Variants in CUX1 observed in about 807,000 individuals in gnomAD.
CUX1 encodes the protein protein CASP.
In CUX1, 31 loss-of-function variants were observed where a neutral mutation model predicts 158.8. That is an observed-to-expected ratio of 0.20 (90% CI 0.15 to 0.26). The LOEUF (loss-of-function observed/expected upper bound fraction) is 0.26, where lower values mean the gene tolerates loss of function less well. Among genes scored for constraint, CUX1 ranks in the 10% least tolerant of loss-of-function variants. CUX1 has a pLI of 1.00. For missense variants in CUX1, 1,589 were observed against 2,014.6 expected, an observed-to-expected ratio of 0.79 and a Z score of 4.04; for synonymous variants, 879 against 862.1, an observed-to-expected ratio of 1.02 and a Z score of -0.34.
chr7:101,978,086 C>T (rs151222608), intron 2 of CUX1, among the ~76,000 whole-genome samples: 8 of 151,978 alleles, frequency 5.3e-5, no homozygotes, highest in African/African-American at 1.9e-4. Context: ...ACATAAGTCT[C>T]GGGGACCTGC....
intron 3 of CUX1, among the ~76,000 whole-genome samples, chr7:102,036,821 G>A (rs1821482173): frequency 6.6e-6 from 1 of 151,536 alleles, no homozygotes; most frequent in African/African-American, 2.4e-5. Flanking sequence ...TGAATAAATT[G>A]CAAAGATGGT....
At chr7:102,233,286 G>A (rs782591349) in intron 21 of CUX1, among the ~76,000 whole-genome samples, 4 of 151,222 alleles carry the variant, frequency 2.6e-5, no homozygotes, top group Non-Finnish European at 4.4e-5. Flanking sequence ...CCTGGGCTCA[G>A]GCAATCCTCC....
intron 18 of CUX1, among the ~76,000 whole-genome samples, chr7:102,279,414 G>A (rs1791883315): frequency 1.3e-5 from 2 of 152,202 alleles, no homozygotes; most frequent in African/African-American, 2.4e-5. Context: ...CCAAGAGAGT[G>A]GATCAGAAAC....
Position 102,256,637 on chromosome 7 carries a change from AG to A in CUX1, c.*7598del. The A allele has an allele frequency of 2.0e-6, 2 of 985,424 alleles. No homozygotes were observed. The highest frequency in any genetic ancestry group is 2.4e-6 in the Non-Finnish European group (2 of 829,926). 61.0% of individuals were successfully genotyped at this position (985,424 alleles called of 1,614,324 possible). ...GAACAAAAAAATTTACCAACGTGTG[AG>A]GGAGTTGCTGAGTTGAAGAATGCTC... is the stretch of plus-strand genomic sequence containing the variant. On this transcript the variant is annotated 3_prime_UTR_variant, in exon 24 of 24. Coordinates refer to ENST00000292535, the MANE Select transcript of CUX1 (RefSeq NM_181552.4).
chr7:101,941,218 C>T (rs1170609209), intron 2 of CUX1, among the ~76,000 whole-genome samples: 1 of 152,082 alleles, frequency 6.6e-6, no homozygotes, highest in Non-Finnish European at 1.5e-5. Context: ...GGGAGGAGGG[C>T]GGGTTGGGGG....
intron 2 of CUX1, among the ~76,000 whole-genome samples, chr7:102,000,226 A>AAAAG (rs778160930): frequency 2.0e-5 from 3 of 150,648 alleles, no homozygotes; most frequent in Non-Finnish European, 4.4e-5. Context: ...CAAAAAAAAA[A>AAAAG]AGAGAGAGAG....
intron 8 of CUX1, among the ~76,000 whole-genome samples, chr7:102,149,004 C>T (rs1835324616): frequency 6.6e-6 from 1 of 152,030 alleles, no homozygotes; most frequent in Non-Finnish European, 1.5e-5. Flanking sequence ...GTCATTAACT[C>T]GTTCCTTTTT....
intron 4 of CUX1, among the ~76,000 whole-genome samples, chr7:102,084,348 C>T (rs1827741577): frequency 6.7e-6 from 1 of 149,074 alleles, no homozygotes; most frequent in South Asian, 2.1e-4. Flanking sequence ...CCTCTTAATG[C>T]TCACCTATTA....
chr7:101,944,667 G>A (rs746702253), intron 2 of CUX1, among the ~76,000 whole-genome samples: 9 of 152,188 alleles, frequency 5.9e-5, no homozygotes, highest in Non-Finnish European at 1.0e-4. Context: ...CGTTTCCTCC[G>A]GGCAGTCCAT....
chr7:102,013,591 A>G (rs1041269912), intron 2 of CUX1, among the ~76,000 whole-genome samples: 1 of 152,122 alleles, frequency 6.6e-6, no homozygotes, highest in Admixed American at 6.6e-5. Context: ...AGCATCAACA[A>G]TTTTCCATAG....
intron 4 of CUX1, among the ~76,000 whole-genome samples, chr7:102,081,657 T>C (rs1395242234): frequency 6.8e-6 from 1 of 146,510 alleles, no homozygotes; most frequent in Non-Finnish European, 1.5e-5. Flanking sequence ...TTTTTTGAGA[T>C]GGAGTCTCAC....
intron 2 of CUX1, among the ~76,000 whole-genome samples, chr7:102,005,965 G>A (rs547292025): frequency 2.6e-5 from 4 of 152,328 alleles, no homozygotes; most frequent in African/African-American, 7.2e-5. Flanking sequence ...CGGCCGCGTG[G>A]ATGAGGTTGG....
intron 1 of CUX1, among the ~76,000 whole-genome samples, chr7:101,854,448 A>G (rs1796578483): frequency 6.6e-6 from 1 of 152,112 alleles, no homozygotes; most frequent in Admixed American, 6.5e-5. Flanking sequence ...CCTGGGCTCA[A>G]ATCCTGCCTC....
intron 2 of CUX1, among the ~76,000 whole-genome samples, chr7:101,925,741 G>C (rs1015410815): frequency 6.6e-6 from 1 of 152,132 alleles, no homozygotes; most frequent in African/African-American, 2.4e-5. Context: ...AGACCAGCCT[G>C]GGCAATATAG....
chr7:102,101,029 G>T (rs1829713693), intron 5 of CUX1, among the ~76,000 whole-genome samples: 1 of 152,090 alleles, frequency 6.6e-6, no homozygotes, highest in Non-Finnish European at 1.5e-5. Flanking sequence ...AGAGGAGGGG[G>T]CATCCCAGAC....
intron 1 of CUX1, among the ~76,000 whole-genome samples, chr7:101,856,166 G>C (rs975231575): frequency 7.9e-6 from 1 of 127,206 alleles, no homozygotes; most frequent in African/African-American, 3.1e-5. Flanking sequence ...CTGGGTGACA[G>C]AGTGAGACCC....
intron 8 of CUX1, among the ~76,000 whole-genome samples, chr7:102,141,075 G>A (rs1355684078): frequency 1.3e-5 from 2 of 152,042 alleles, no homozygotes; most frequent in Admixed American, 6.6e-5. Flanking sequence ...GGGAACGGAC[G>A]GTCTTCGTGG....
intron 2 of CUX1, among the ~76,000 whole-genome samples, chr7:102,005,360 G>T (rs1817219273): frequency 6.6e-6 from 1 of 152,152 alleles, no homozygotes; most frequent in Non-Finnish European, 1.5e-5. Context: ...TTGAGACAGG[G>T]TCTTGCTCCA....
Position 102,253,091 on chromosome 7 carries a change from A to G in CUX1, c.*4049A>G. 4.1e-6 allele frequency: 4 copies of G among 985,504 alleles called. No individual in the cohort carries two copies. Among genetic ancestry groups the G allele is most frequent in the Non-Finnish European group, 4.8e-6 (4 of 829,966 alleles). 61.0% of individuals were successfully genotyped at this position (985,504 alleles called of 1,614,324 possible). ...GGTAGATCCCTTGTACCTCCAAAGT[A>G]CAAATACCTCCCTGCTCAGTTTCCT... On this transcript the variant is annotated 3_prime_UTR_variant, in exon 24 of 24. Coordinates refer to ENST00000292535, the MANE Select transcript of CUX1 (RefSeq NM_181552.4).
Sources: allele counts gnomAD v4.1 joint callset (sites outside exome capture counted in the v4.1 genomes callset), GRCh38; gene constraint gnomAD v4.1.1; transcripts MANE v1.5; gene names NCBI Gene and HGNC (gene_info 2026-07-23, HGNC 2026-07-21).